Variants in ADAMTS19 observed in about 807,000 individuals in gnomAD.
The protein encoded by ADAMTS19 is ADAM metallopeptidase with thrombospondin type 1 motif 19, also known as A disintegrin and metalloproteinase with thrombospondin motifs 19.
A neutral mutation model predicts 153.3 loss-of-function variants in ADAMTS19; 93 were observed. That is an observed-to-expected ratio of 0.61 (90% CI 0.51 to 0.72). The LOEUF (loss-of-function observed/expected upper bound fraction) is 0.72, where lower values mean the gene tolerates loss of function less well. Ranked by LOEUF, ADAMTS19 falls within the 30% of genes least tolerant of loss-of-function variation. ADAMTS19 has a pLI of 0.00. For synonymous variants in ADAMTS19, 600 were observed against 556.6 expected, an observed-to-expected ratio of 1.08 and a Z score of -1.10; for missense variants, 1,482 against 1,552.1, an observed-to-expected ratio of 0.95 and a Z score of 0.76.
chr5:129,654,821 T>A (rs1164534196), intron 14 of ADAMTS19, among the ~76,000 whole-genome samples: 1 of 152,160 alleles, frequency 6.6e-6, no homozygotes, highest in Non-Finnish European at 1.5e-5. Context: ...ATCAATAAAA[T>A]TGACCTTATA....
At chr5:129,632,114 C>A (rs1050941404) in intron 10 of ADAMTS19, among the ~76,000 whole-genome samples, 2 of 152,016 alleles carry the variant, frequency 1.3e-5, no homozygotes, top group African/African-American at 2.4e-5. Flanking sequence ...CTCAAATCTG[C>A]TGCTCTAGCT....
chr5:129,688,408 CTGTAA>C (rs1360601103), intron 18 of ADAMTS19, among the ~76,000 whole-genome samples: 3 of 151,818 alleles, frequency 2.0e-5, no homozygotes, highest in African/African-American at 7.2e-5. Context: ...ATTGCCAATA[CTGTAA>C]TAAGTGGGAA....
At chr5:129,613,609 C>T (rs528065449) in intron 8 of ADAMTS19, among the ~76,000 whole-genome samples, 1 of 152,104 alleles carries the variant, frequency 6.6e-6, no homozygotes, top group African/African-American at 2.4e-5. Flanking sequence ...GACACCCTAA[C>T]ATCACAATTA....
At chr5:129,703,889 AT>A (rs755996928) in intron 20 of ADAMTS19, among the ~76,000 whole-genome samples, 2 of 152,116 alleles carry the variant, frequency 1.3e-5, no homozygotes, top group East Asian at 1.9e-4. Context: ...AGTAAAATGA[AT>A]TTTTTTACAT....
At chr5:129,469,121 A>T (rs1749977189) in intron 2 of ADAMTS19, among the ~76,000 whole-genome samples, 1 of 151,928 alleles carries the variant, frequency 6.6e-6, no homozygotes, top group Non-Finnish European at 1.5e-5. Flanking sequence ...TTCTAATTCC[A>T]AAGTTCTTTA....
At chr5:129,679,655 C>T in intron 16 of ADAMTS19, 109 bp from the exon 17 acceptor site, 1 of 1,007,406 alleles carries the variant, frequency 9.9e-7, no homozygotes, top group Non-Finnish European at 1.4e-6. Flanking sequence ...GAATGTTGAT[C>T]CATTTGTTTG....
intron 21 of ADAMTS19, among the ~76,000 whole-genome samples, chr5:129,708,511 T>C (rs1317836980): frequency 6.6e-6 from 1 of 151,450 alleles, no homozygotes; most frequent in Non-Finnish European, 1.5e-5. Flanking sequence ...ATTTTTTTTT[T>C]TGGTCTGAAT....
At chr5:129,527,379 T>G (rs2126764991) in intron 4 of ADAMTS19, among the ~76,000 whole-genome samples, 1 of 151,532 alleles carries the variant, frequency 6.6e-6, no homozygotes, top group South Asian at 2.1e-4. Context: ...AACAGAGTTT[T>G]TTTTTTTTTT....
intron 2 of ADAMTS19, among the ~76,000 whole-genome samples, chr5:129,490,125 G>A (rs1296398302): frequency 6.6e-6 from 1 of 152,092 alleles, no homozygotes; most frequent in African/African-American, 2.4e-5. Flanking sequence ...ATTACTCCCG[G>A]CATTCCAGGA....
intron 11 of ADAMTS19, among the ~76,000 whole-genome samples, chr5:129,647,043 A>G (rs1164144663): frequency 6.6e-6 from 1 of 152,128 alleles, no homozygotes; most frequent in African/African-American, 2.4e-5. Context: ...AATAAAAAAG[A>G]GAATGACTAC....
intron 4 of ADAMTS19, among the ~76,000 whole-genome samples, chr5:129,527,007 T>A (rs760128140): frequency 3.3e-5 from 5 of 152,048 alleles, no homozygotes; most frequent in Middle Eastern, 3.4e-3. Context: ...TATATACGTA[T>A]GTAAAATTTG....
chr5:129,736,909 G>A (rs1461923973), intron 22 of ADAMTS19, among the ~76,000 whole-genome samples, 158 bp from the exon 23 acceptor site: 1 of 152,028 alleles, frequency 6.6e-6, no homozygotes, highest in African/African-American at 2.4e-5. Context: ...TAGGAGGTGT[G>A]TATGTGTGTG....
intron 3 of ADAMTS19, among the ~76,000 whole-genome samples, chr5:129,517,628 G>T (rs1220800265): frequency 1.1e-4 from 17 of 151,458 alleles, no homozygotes; most frequent in Admixed American, 1.1e-3. Context: ...GTTTTTATTG[G>T]CCTGGCATAT....
intron 14 of ADAMTS19, among the ~76,000 whole-genome samples, chr5:129,654,702 G>A (rs1021408113): frequency 6.6e-6 from 1 of 152,022 alleles, no homozygotes; most frequent in African/African-American, 2.4e-5. Context: ...TATATTACAG[G>A]TTTAAAATTG....
At chr5:129,595,404 C>A (rs1750326657) in intron 7 of ADAMTS19, among the ~76,000 whole-genome samples, 1 of 152,104 alleles carries the variant, frequency 6.6e-6, no homozygotes, top group African/African-American at 2.4e-5. Context: ...AATCTTCTAA[C>A]TTTGCCACAC....
At position 129,679,100 on chromosome 5, in the gene ADAMTS19, GA is replaced by G. The variant is rs201093373; in HGVS notation, c.2507-656del. Among the ~76,000 whole-genome samples the G allele has an allele frequency of 4.1e-3, 629 of 151,976 alleles. 5 individuals are homozygous for G. The highest frequency in any genetic ancestry group is 0.015 in the African/African-American group (604 of 41,494). Reference sequence around the variant, plus strand: ...AATTGTACACAGATTAGCTCAAAAAGAAAAAAAATTATGTAAACAGAATTAT... The same window carrying G: ...AATTGTACACAGATTAGCTCAAAAAGAAAAAAATTATGTAAACAGAATTAT... On this transcript the variant is annotated intron_variant, in intron 16 of 22. Transcript: ENST00000274487.
At chr5:129,554,926 C>G (rs1753262750) in intron 7 of ADAMTS19, among the ~76,000 whole-genome samples, 1 of 152,046 alleles carries the variant, frequency 6.6e-6, no homozygotes, top group African/African-American at 2.4e-5. Context: ...AGCTATCACT[C>G]TCTAGTAAAA....
intron 6 of ADAMTS19, among the ~76,000 whole-genome samples, chr5:129,539,343 CA>C (rs1235453455): frequency 6.6e-6 from 1 of 151,968 alleles, no homozygotes; most frequent in Non-Finnish European, 1.5e-5. Flanking sequence ...GTTTTGCAGA[CA>C]GAAAAACAGG....
chr5:129,653,670 A>G (rs762070271), intron 13 of ADAMTS19, among the ~76,000 whole-genome samples: 5 of 152,206 alleles, frequency 3.3e-5, no homozygotes, highest in Non-Finnish European at 7.3e-5. Context: ...TTTCAAAACA[A>G]TATTTCTGTT....
Sources: allele counts gnomAD v4.1 joint callset (sites outside exome capture counted in the v4.1 genomes callset), GRCh38; gene constraint gnomAD v4.1.1; transcripts MANE v1.5; gene names NCBI Gene and HGNC (gene_info 2026-07-23, HGNC 2026-07-21).